FGGY: variants seen among roughly 807,000 people sequenced by gnomAD.
FGGY encodes FGGY carbohydrate kinase domain containing.
A neutral mutation model predicts 71.3 loss-of-function variants in FGGY; 72 were observed. That is an observed-to-expected ratio of 1.01 (90% CI 0.84 to 1.23). The LOEUF is 1.23. FGGY is among the 50% of genes most tolerant of loss of function. The pLI, the probability that FGGY is intolerant of heterozygous loss-of-function variation, is 0.00. For missense variants in FGGY, 668 were observed against 682.3 expected (o/e 0.98, Z 0.23); for synonymous variants, 251 against 250.3 (o/e 1.00, Z -0.02).
chr1:59,758,039 T>TACAC, intron 15 of FGGY, 47 bp downstream of exon 15: 1 of 1,258,662 alleles, frequency 7.9e-7, no homozygotes, highest in Non-Finnish European at 1.2e-6. Flanking sequence ...AGTGAGCACA[T>TACAC]ACACACACAC....
chr1:59,637,375 GTAATCCTAGCACT>G (rs1465155711), intron 10 of FGGY, among the ~76,000 whole-genome samples: 1 of 152,178 alleles, frequency 6.6e-6, no homozygotes, highest in Non-Finnish European at 1.5e-5. Flanking sequence ...GCTCACACCT[GTAATCCTAGCACT>G]TTGGGAGGCC....
chr1:59,637,755 C>T (rs146855977), intron 10 of FGGY, among the ~76,000 whole-genome samples: 19 of 152,242 alleles, frequency 1.2e-4, no homozygotes, highest in African/African-American at 4.6e-4. Flanking sequence ...TAATTTCTCT[C>T]CATTTATCAA....
At chr1:59,329,852 A>G (rs1248468600) in intron 2 of FGGY, among the ~76,000 whole-genome samples, 3 of 152,210 alleles carry the variant, frequency 2.0e-5, no homozygotes, top group Non-Finnish European at 4.4e-5. Flanking sequence ...GCTCCAGCCA[A>G]ATTTCAAGTG....
intron 6 of FGGY, among the ~76,000 whole-genome samples, chr1:59,461,603 G>A (rs916977189): frequency 6.6e-6 from 1 of 152,038 alleles, no homozygotes; most frequent in Non-Finnish European, 1.5e-5. Context: ...GCAACCCCAA[G>A]ACACATAATT....
chr1:59,714,930 A>C (rs759866977), intron 14 of FGGY, among the ~76,000 whole-genome samples: 4 of 152,216 alleles, frequency 2.6e-5, no homozygotes, highest in Non-Finnish European at 5.9e-5. Flanking sequence ...CCCAGGAAAG[A>C]GTTACATGCA....
At chr1:59,321,430 C>T in intron 1 of FGGY, 106 bp from the exon 2 acceptor site, 1 of 938,090 alleles carries the variant, frequency 1.1e-6, no homozygotes, top group Non-Finnish European at 1.6e-6. Context: ...CAAATGGCTA[C>T]CGGTTAGGTA....
intron 6 of FGGY, among the ~76,000 whole-genome samples, chr1:59,491,208 G>T (rs369386381): frequency 2.6e-4 from 35 of 134,916 alleles, no homozygotes; most frequent in East Asian, 2.6e-3. Flanking sequence ...TTGGCATTGT[G>T]TTTTTTGTGG....
At chr1:59,319,658 T>A (rs1193244965) in intron 1 of FGGY, among the ~76,000 whole-genome samples, 1 of 152,172 alleles carries the variant, frequency 6.6e-6, no homozygotes, top group Non-Finnish European at 1.5e-5. Context: ...TGGGGCAGCC[T>A]TTAGCAGCTG....
intron 11 of FGGY, among the ~76,000 whole-genome samples, chr1:59,649,958 G>C (rs1435793497): frequency 2.0e-5 from 3 of 146,732 alleles, no homozygotes; most frequent in Non-Finnish European, 4.4e-5. Flanking sequence ...TTTTTAGCAT[G>C]AAGGGTTGTT....
At chr1:59,731,871 C>G (rs2098035251) in intron 14 of FGGY, among the ~76,000 whole-genome samples, 1 of 152,082 alleles carries the variant, frequency 6.6e-6, no homozygotes, top group Non-Finnish European at 1.5e-5. Flanking sequence ...AGCTCTCTTC[C>G]CAATGCCCTG....
At chr1:59,717,525 G>T (rs1025081356) in intron 14 of FGGY, among the ~76,000 whole-genome samples, 2 of 152,158 alleles carry the variant, frequency 1.3e-5, no homozygotes, top group African/African-American at 4.8e-5. Flanking sequence ...TGTGAACCCA[G>T]AAGTGTGATA....
intron 8 of FGGY, among the ~76,000 whole-genome samples, chr1:59,586,723 G>T (rs1254753653): frequency 6.6e-6 from 1 of 152,136 alleles, no homozygotes; most frequent in African/African-American, 2.4e-5. Flanking sequence ...AAAAAAAGTG[G>T]TAGAGAGGGG....
chr1:59,636,282 T>C (rs1196773473), intron 10 of FGGY, among the ~76,000 whole-genome samples: 1 of 152,174 alleles, frequency 6.6e-6, no homozygotes, highest in Non-Finnish European at 1.5e-5. Flanking sequence ...GCTTTGCTTT[T>C]CTATATTTTT....
intron 5 of FGGY, among the ~76,000 whole-genome samples, chr1:59,436,300 G>A (rs2068451556): frequency 6.6e-6 from 1 of 151,942 alleles, no homozygotes; most frequent in Non-Finnish European, 1.5e-5. Flanking sequence ...CTGTTTCATG[G>A]GGCTGTCTCT....
At chr1:59,705,068 G>A (rs1448604775) in intron 14 of FGGY, among the ~76,000 whole-genome samples, 1 of 152,008 alleles carries the variant, frequency 6.6e-6, no homozygotes, top group Non-Finnish European at 1.5e-5. Context: ...TCTGTTAATG[G>A]CCTATTAATA....
At chr1:59,312,204 C>A (rs1018035443) in intron 1 of FGGY, among the ~76,000 whole-genome samples, 8 of 152,156 alleles carry the variant, frequency 5.3e-5, no homozygotes, top group Non-Finnish European at 8.8e-5. Flanking sequence ...CTGTAAGTTG[C>A]CTGTTCACTC....
chr1:59,631,892 C>T (rs1162294905), intron 10 of FGGY, among the ~76,000 whole-genome samples: 2 of 152,166 alleles, frequency 1.3e-5, no homozygotes, highest in African/African-American at 2.4e-5. Context: ...GCAGAGATCA[C>T]CTTATGTCAA....
chr1:59,334,999 T>A (rs951471525), intron 2 of FGGY, among the ~76,000 whole-genome samples: 3 of 152,230 alleles, frequency 2.0e-5, no homozygotes, highest in African/African-American at 4.8e-5. Context: ...TTCTTTTTTT[T>A]AAAACCTTAC....
At chr1:59,401,688 T>G (rs1310936738) in intron 5 of FGGY, among the ~76,000 whole-genome samples, 3 of 152,188 alleles carry the variant, frequency 2.0e-5, no homozygotes, top group Non-Finnish European at 2.9e-5. Flanking sequence ...ACTACTATAG[T>G]CTTGTAAGCC....
Sources: allele counts gnomAD v4.1 joint callset (sites outside exome capture counted in the v4.1 genomes callset), GRCh38; gene constraint gnomAD v4.1.1; transcripts MANE v1.5; gene names NCBI Gene and HGNC (gene_info 2026-07-23, HGNC 2026-07-21).